RXRA: variants seen among roughly 807,000 people sequenced by gnomAD.
RXRA encodes retinoid X receptor alpha, also known as retinoic acid receptor RXR-alpha.
Under a neutral mutation model 44.5 loss-of-function variants are expected in RXRA, and 5 were observed. The ratio of observed to expected loss-of-function variants is 0.11; its 90% CI spans 0.06 to 0.24. The LOEUF is 0.24. Ranked by LOEUF, RXRA falls within the 10% of genes least tolerant of loss-of-function variation. The pLI is 1.00. For missense variants in RXRA, 412 were observed against 646.5 expected, an observed-to-expected ratio of 0.64 and a Z score of 3.93; for synonymous variants, 291 against 271.4, an observed-to-expected ratio of 1.07 and a Z score of -0.71.
chr9:134,435,753 C>A (rs772430833), intron 9 of RXRA, among the ~76,000 whole-genome samples: 18 of 152,154 alleles, frequency 1.2e-4, no homozygotes, highest in Non-Finnish European at 2.6e-4. Flanking sequence ...CCCTGCGACT[C>A]ACCAGTGTGC....
Position 134,434,190 on chromosome 9 carries a change from C to T in RXRA, c.1224C>T (p.Tyr408=). The T allele has an allele frequency of 1.2e-6, 2 of 1,613,386 alleles. No individual in the cohort carries two copies. The highest frequency in any genetic ancestry group is 1.7e-6 in the Non-Finnish European group (2 of 1,179,542). The change falls in exon 9 of 10, where the codon TAC becomes TAT. Residue 408 remains tyrosine (Y), a synonymous_variant. Transcript: ENST00000481739. ...TGGAGGCCTACTGCAAGCACAAGTA[C>T]CCAGAGCAGCCGGGAAGGTGGGTCC... ...ASLEAYCKHK[Y]PEQPGRFAKL...
At chr9:134,422,150 C>T in intron 6 of RXRA, 1 of 1,303,746 alleles carries the variant, frequency 7.7e-7, no homozygotes, top group Non-Finnish European at 1.0e-6. Context: ...GGACACACTT[C>T]CCCCTCCTGG....
Position 134,436,465 on chromosome 9 carries a change from A to G in RXRA, c.1242-2A>G. The stretch of plus-strand genomic sequence containing the variant: ...GGCCCTCACCAGACCTGTTCCCTGC[A>G]GGTTCGCTAAGCTCTTGCTCCGCCT... On this transcript the variant is annotated splice_acceptor_variant, in intron 9 of 9. Coordinates refer to ENST00000481739, the MANE Select transcript of RXRA (RefSeq NM_002957.6). LOFTEE classifies it high-confidence loss of function. The G allele has an allele frequency of 6.2e-7, 1 of 1,613,852 alleles. No individual in the cohort carries two copies. Among genetic ancestry groups the G allele is most frequent in the Non-Finnish European group, 8.5e-7 (1 of 1,179,958 alleles).
intron 1 of RXRA, chr9:134,380,015 C>G: frequency 1.0e-6 from 1 of 985,438 alleles, no homozygotes; most frequent in Non-Finnish European, 1.2e-6. Flanking sequence ...TGAAGCCCAG[C>G]AGGGGCTCCC....
intron 6 of RXRA, chr9:134,422,887 C>T (rs961646790): frequency 9.1e-6 from 9 of 985,328 alleles, no homozygotes; most frequent in Admixed American, 6.1e-5. Context: ...AGGAGAGCCA[C>T]GTGCTCTCTG....
chr9:134,337,717 T>A (rs1830027817), intron 1 of RXRA, among the ~76,000 whole-genome samples: 1 of 152,128 alleles, frequency 6.6e-6, no homozygotes, highest in African/African-American at 2.4e-5. Flanking sequence ...CTCACACCTG[T>A]GTCTTCACTT....
chr9:134,352,055 G>A (rs1440768501), intron 1 of RXRA, among the ~76,000 whole-genome samples: 1 of 152,224 alleles, frequency 6.6e-6, no homozygotes, highest in Non-Finnish European at 1.5e-5. Context: ...GGGGCAGCCC[G>A]GGGAGGGAGC....
intron 5 of RXRA, among the ~76,000 whole-genome samples, chr9:134,419,981 G>A (rs764224363): frequency 6.6e-6 from 1 of 152,204 alleles, no homozygotes; most frequent in Admixed American, 6.5e-5. Flanking sequence ...CTCCTGCAGA[G>A]GTCCCAGCCA....
intron 1 of RXRA, chr9:134,380,061 C>T (rs1830618815): frequency 1.0e-6 from 1 of 985,398 alleles, no homozygotes; most frequent in South Asian, 4.7e-5. Flanking sequence ...AATCTTCCTG[C>T]CCTCTCCCCT....
At chr9:134,370,776 C>T (rs1830481801) in intron 1 of RXRA, among the ~76,000 whole-genome samples, 1 of 152,222 alleles carries the variant, frequency 6.6e-6, no homozygotes, top group Non-Finnish European at 1.5e-5. Flanking sequence ...GCCTTGTGCA[C>T]AGCCCAGCTC....
intron 1 of RXRA, among the ~76,000 whole-genome samples, chr9:134,376,490 G>A (rs889550844): frequency 3.1e-5 from 3 of 95,438 alleles, no homozygotes; most frequent in Admixed American, 1.0e-4. Flanking sequence ...CTCCCCTGCC[G>A]CCCGCCACAC....
chr9:134,354,427 C>A (rs1332746779), intron 1 of RXRA, among the ~76,000 whole-genome samples: 2 of 152,200 alleles, frequency 1.3e-5, no homozygotes, highest in Non-Finnish European at 2.9e-5. Context: ...GGTGGTGGAA[C>A]GAATGAACTC....
intron 1 of RXRA, among the ~76,000 whole-genome samples, chr9:134,378,222 T>C (rs1478071922): frequency 6.6e-6 from 1 of 152,204 alleles, no homozygotes; most frequent in Non-Finnish European, 1.5e-5. Flanking sequence ...TCCTGGGAGA[T>C]GAGTCCCTGG....
chr9:134,347,950 G>T (rs1355173381), intron 1 of RXRA, among the ~76,000 whole-genome samples: 1 of 152,124 alleles, frequency 6.6e-6, no homozygotes, highest in East Asian at 1.9e-4. Context: ...GACCCCAGGG[G>T]CAGGAGGGGA....
At chr9:134,382,673 G>A (rs1262862877) in intron 1 of RXRA, among the ~76,000 whole-genome samples, 2 of 152,148 alleles carry the variant, frequency 1.3e-5, no homozygotes, top group Non-Finnish European at 2.9e-5. Context: ...TCCAGGGTGG[G>A]GTGCTGAGGC....
At chr9:134,363,935 AAAG>A (rs1400064356) in intron 1 of RXRA, among the ~76,000 whole-genome samples, 6 of 152,152 alleles carry the variant, frequency 3.9e-5, no homozygotes, top group African/African-American at 9.7e-5. Context: ...CAGCCAGAAA[AAAG>A]AAGAAGAGAA....
chr9:134,380,927 C>T (rs543666965), intron 1 of RXRA, among the ~76,000 whole-genome samples: 2 of 152,180 alleles, frequency 1.3e-5, no homozygotes, highest in Non-Finnish European at 1.5e-5. Context: ...CCCCGGGAAC[C>T]CCTCCCAGCA....
At chr9:134,339,408 G>T (rs1554747767) in intron 1 of RXRA, among the ~76,000 whole-genome samples, 2 of 152,120 alleles carry the variant, frequency 1.3e-5, no homozygotes, top group Non-Finnish European at 2.9e-5. Context: ...GAGCCCGTGA[G>T]CCTGTGTGTG....
chr9:134,432,729 C>T (rs1269196773), intron 8 of RXRA, among the ~76,000 whole-genome samples: 2 of 152,166 alleles, frequency 1.3e-5, no homozygotes, highest in East Asian at 1.9e-4. Context: ...ACCCCCGGCA[C>T]GTGAGGGCAG....
Sources: allele counts gnomAD v4.1 joint callset (sites outside exome capture counted in the v4.1 genomes callset), GRCh38; gene constraint gnomAD v4.1.1; transcripts MANE v1.5; gene names NCBI Gene and HGNC (gene_info 2026-07-23, HGNC 2026-07-21).